The following MED24 variants were observed in gnomAD, a reference collection of about 807,000 sequenced individuals.
MED24 encodes mediator of RNA polymerase II transcription subunit 24.
In MED24, 74 loss-of-function variants were observed where a neutral mutation model predicts 118.8. That is an observed-to-expected ratio of 0.62 (90% CI 0.52 to 0.76). The LOEUF (loss-of-function observed/expected upper bound fraction) is 0.76, where lower values mean the gene tolerates loss of function less well. MED24 is among the 30% of genes least tolerant of loss of function. The probability of loss-of-function intolerance (pLI) is 0.00; values close to 1 mark genes in which losing one functional copy is unlikely to be tolerated. For missense variants in MED24, 1,041 were observed against 1,278.9 expected (o/e 0.81, Z 2.84); for synonymous variants, 521 against 523.9 (o/e 0.99, Z 0.08).
rs532884592 is a variant in MED24 at position 40,038,242 on chromosome 17, G to A, written c.214-2088C>T. ...CCAGCCCAAGAACTGATACACAATA[G>A]GTCCTCAGGAAGTTTTTATTGCTTT... On this transcript the variant is annotated intron_variant, in intron 3 of 25. Coordinates refer to ENST00000394128, the MANE Select transcript of MED24 (RefSeq NM_014815.4). Among the ~76,000 whole-genome samples the A allele has an allele frequency of 3.3e-5, 5 of 152,236 alleles. No homozygotes were observed. The South Asian group carries it at 1.0e-3, about 32-fold the overall frequency.
intron 6 of MED24, among the ~76,000 whole-genome samples, chr17:40,034,315 T>C (rs929735513): frequency 1.3e-5 from 2 of 152,162 alleles, no homozygotes; most frequent in African/African-American, 4.8e-5. Flanking sequence ...AAGATTGTCT[T>C]TTTGGACTTT....
rs114758750 is a variant in MED24 at position 40,033,086 on chromosome 17, C to T, written c.792G>A (p.Val264=). The change falls in exon 8 of 26, where the codon GTG becomes GTA. Residue 264 remains valine, a synonymous_variant. Coordinates refer to ENST00000394128, the MANE Select transcript of MED24 (RefSeq NM_014815.4). The surrounding 1 kb of genome is among the most constrained non-coding windows in gnomAD (Gnocchi z 5.2). The part of the protein sequence containing the change: ...MNLTGETQSL[V]EQLTMVKRMQ... ...TGCGCTTCACCATCGTCAGCTGCTCCACCAGGGACTGCGTCTCGCCTGTCA... is the reference window on the plus strand; with the variant it reads ...TGCGCTTCACCATCGTCAGCTGCTCTACCAGGGACTGCGTCTCGCCTGTCA... 4.3e-5 allele frequency: 69 copies of T among 1,614,116 alleles called. 1 individual carries two copies. In the African/African-American group the frequency reaches 6.9e-4, roughly 16 times the overall value.
Position 40,027,458 on chromosome 17 carries a change from C to T in MED24, c.1455G>A (p.Pro485=), listed in dbSNP as rs1371124144. The T allele has an allele frequency of 1.9e-6, 3 of 1,611,386 alleles. No homozygotes were observed. Among genetic ancestry groups the T allele is most frequent in the East Asian group, 2.2e-5 (1 of 44,762 alleles). The change falls in exon 16 of 26, where the codon CCG becomes CCA. Residue 485 remains proline (P), a synonymous_variant. Coordinates refer to ENST00000394128, the MANE Select transcript of MED24 (RefSeq NM_014815.4). ...CAAACAGCAGGGCCCGGACGGAGGC[C>T]GGTTTGGCTGTGGAAGGACGGGAAG... ...TTYGSEESTK[P]ASVRALLFDI... is the part of the protein sequence containing the mutation.
Position 40,023,338 on chromosome 17 carries a change from T to C in MED24, c.2043A>G (p.Thr681=). The C allele has an allele frequency of 1.9e-6, 3 of 1,613,550 alleles. No individual in the cohort carries two copies. Among genetic ancestry groups the C allele is most frequent in the Non-Finnish European group, 2.5e-6 (3 of 1,179,672 alleles). The stretch of plus-strand genomic sequence containing the variant: ...TGGAGGGAAACTTGATCTGCGTGGC[T>C]GTCTGCTGCAGCACGTCGGCACACA... The part of the protein sequence containing the change: ...ERMCADVLQQ[T]ATQIKFPSTG... The change falls in exon 20 of 26, where the codon ACA becomes ACG. Residue 681 remains threonine (T), a synonymous_variant. Transcript: ENST00000394128.
At chr17:40,037,868 G>A (rs557481292) in intron 3 of MED24, among the ~76,000 whole-genome samples, 5 of 150,036 alleles carry the variant, frequency 3.3e-5, no homozygotes, top group Non-Finnish European at 5.9e-5. Flanking sequence ...CCGAGATTGC[G>A]CCACTGCACT....
At position 40,023,259 on chromosome 17, in the gene MED24, T is replaced by C. The variant is rs902295531; in HGVS notation, c.2122A>G (p.Lys708Glu). 6.2e-7 allele frequency: 1 copy of C among 1,614,012 alleles called. No homozygotes were observed. Among genetic ancestry groups the C allele is most frequent in the African/African-American group, 1.3e-5 (1 of 74,918 alleles). Reference protein sequence around the residue: ...WNLLPPKRPIKEVLTDIFAKV... With the variant: ...WNLLPPKRPIEEVLTDIFAKV... Reference sequence around the variant, plus strand: ...GCAAAAATGTCCGTCAGCACCTCTTTGATGGGCCGCTTGGGGGGCAGCAGG... The same window carrying C: ...GCAAAAATGTCCGTCAGCACCTCTTCGATGGGCCGCTTGGGGGGCAGCAGG... The change falls in exon 20 of 26, where the codon AAA (lysine) becomes GAA (glutamate). Residue 708 changes from lysine to glutamate, a missense_variant. Physicochemically the swap from Lys to Glu is moderately conservative, Grantham distance 56. This residue lies in a region of MED24 where 587 missense variants were observed against 694.4 expected (regional missense o/e 0.85). Coordinates refer to ENST00000394128, the MANE Select transcript of MED24 (RefSeq NM_014815.4).
chr17:40,032,660 T>G lies in MED24; in HGVS notation c.925A>C (p.Thr309Pro). 1 of 1,612,958 alleles carries G rather than the reference T, an allele frequency of 6.2e-7. No individual in the cohort carries two copies. Among genetic ancestry groups the G allele is most frequent in the Non-Finnish European group, 8.5e-7 (1 of 1,179,350 alleles). ...CACGTCCCCAGTACCTTGAGGAAAG[T>G]GAAAGCTGTCCACTTGAGCTCCTCC... ...GTEELKWTAFTFLKIPQVLVK... is the reference protein window; with the variant it reads ...GTEELKWTAFPFLKIPQVLVK... Residue 309 changes from threonine (T) to proline (P), a missense_variant, in exon 9 of 26, where the codon ACT (threonine) becomes CCT (proline). Coordinates refer to ENST00000394128, the MANE Select transcript of MED24 (RefSeq NM_014815.4).
At chr17:40,036,203 T>A in intron 3 of MED24, 49 bp from the exon 4 acceptor site, 1 of 1,558,594 alleles carries the variant, frequency 6.4e-7, no homozygotes, top group African/African-American at 1.4e-5. Context: ...TCTCCCACAG[T>A]TGAGAGGAAC....
chr17:40,019,499 C>T lies in MED24; in HGVS notation c.*30G>A. Reference sequence around the variant, plus strand: ...GAGGCGCCTGGGGCTGCGCCAGTCCCCAGCCCCCACTGCGGCCATGCCAAG... The same window carrying T: ...GAGGCGCCTGGGGCTGCGCCAGTCCTCAGCCCCCACTGCGGCCATGCCAAG... On this transcript the variant is annotated 3_prime_UTR_variant, in exon 26 of 26. Coordinates refer to ENST00000394128, the MANE Select transcript of MED24 (RefSeq NM_014815.4). The T allele has an allele frequency of 1.9e-6, 3 of 1,584,860 alleles. No individual in the cohort carries two copies. The South Asian group carries it at 3.3e-5, about 18-fold the overall frequency.
chr17:40,028,065 A>G lies in MED24; in HGVS notation c.1410-119T>C, dbSNP rs116305920. ...AGTCTGAGTTACTGGTTAAACTTAA[A>G]ATGAGACACATTGCTATAGAAAAAA... On this transcript the variant is annotated intron_variant, in intron 14 of 25. Transcript: ENST00000394128. The G allele has an allele frequency of 1.0e-3, 1,071 of 1,020,964 alleles. 15 individuals are homozygous for G. The African/African-American group carries it at 0.015, about 14-fold the overall frequency. 63.2% of individuals were successfully genotyped at this position (1,020,964 alleles called of 1,614,324 possible).
chr17:40,020,043 G>C, intron 24 of MED24, 110 bp from the exon 25 acceptor site: 1 of 1,370,440 alleles, frequency 7.3e-7, no homozygotes, highest in Non-Finnish European at 1.0e-6. Context: ...TGCTGAGCAT[G>C]TCCCCAAAAT....
At chr17:40,027,349 T>C in intron 16 of MED24, 34 bp downstream of exon 16, 1 of 1,596,000 alleles carries the variant, frequency 6.3e-7, no homozygotes, top group East Asian at 2.3e-5. Context: ...CCTCCTTCCC[T>C]TGAGCCCCCG....
intron 3 of MED24, among the ~76,000 whole-genome samples, chr17:40,041,256 C>A (rs1405695758): frequency 6.6e-6 from 1 of 152,296 alleles, no homozygotes; most frequent in East Asian, 1.9e-4. Flanking sequence ...CATTCCCTCA[C>A]CCCTCAATCC....
intron 15 of MED24, 34 bp downstream of exon 15, chr17:40,027,875 C>T (rs1160833630): frequency 2.5e-6 from 4 of 1,608,550 alleles, no homozygotes; most frequent in Admixed American, 1.7e-5. Context: ...TCCTCAGGGC[C>T]CACTGGGCCT....
At chr17:40,053,736 T>A in intron 1 of MED24, 101 bp from the exon 2 acceptor site, 1 of 1,449,584 alleles carries the variant, frequency 6.9e-7, no homozygotes, top group Non-Finnish European at 9.5e-7. Context: ...CGGGAAGATT[T>A]AAGCGAGACA....
intron 3 of MED24, among the ~76,000 whole-genome samples, chr17:40,038,378 G>C (rs752646865): frequency 1.3e-5 from 2 of 152,040 alleles, no homozygotes; most frequent in Non-Finnish European, 2.9e-5. Context: ...ATCTAGTTCA[G>C]CTGTCTCTGC....
intron 3 of MED24, among the ~76,000 whole-genome samples, chr17:40,037,206 G>A (rs915482828): frequency 6.2e-4 from 89 of 143,740 alleles, no homozygotes; most frequent in African/African-American, 2.4e-3. Context: ...GGGAGAGAGA[G>A]AGAAAGAGGG....
chr17:40,019,846 C>T lies in MED24; in HGVS notation c.2792G>A (p.Cys931Tyr). The change falls in exon 25 of 26, where the codon TGT (cysteine) becomes TAT (tyrosine). Residue 931 changes from cysteine to tyrosine, a missense_variant. By Grantham distance (194) the Cys-to-Tyr change is radical. Coordinates refer to ENST00000394128, the MANE Select transcript of MED24 (RefSeq NM_014815.4). ...TQFVQWFMEE[C>Y]VDCLEQGGRG... ...GCCACCCTGCTCCAGGCAGTCCACA[C>T]ACTCCTCCATGAACCACTGCACGAA... The T allele has an allele frequency of 6.3e-7, 1 of 1,598,210 alleles. No individual in the cohort carries two copies. Among genetic ancestry groups the T allele is most frequent in the Non-Finnish European group, 8.5e-7 (1 of 1,172,042 alleles).
chr17:40,048,251 C>T (rs995331246), intron 3 of MED24, among the ~76,000 whole-genome samples: 7 of 152,236 alleles, frequency 4.6e-5, no homozygotes, highest in Non-Finnish European at 7.4e-5. Context: ...TCTAAAGGTA[C>T]GGTTCAGGAA....
Sources: allele counts gnomAD v4.1 joint callset (sites outside exome capture counted in the v4.1 genomes callset), GRCh38; gene constraint gnomAD v4.1.1; regional missense constraint gnomAD v4.1.1; non-coding constraint Gnocchi (gnomAD v3.1); transcripts MANE v1.5; gene names NCBI Gene and HGNC (gene_info 2026-07-23, HGNC 2026-07-21).